HMGCS1: variants seen among roughly 807,000 people sequenced by gnomAD.
The protein encoded by HMGCS1 is hydroxymethylglutaryl-CoA synthase, cytoplasmic.
A neutral mutation model predicts 52.3 loss-of-function variants in HMGCS1; 9 were observed. That is an observed-to-expected ratio of 0.17 (90% confidence interval 0.10 to 0.30). The LOEUF (loss-of-function observed/expected upper bound fraction) is 0.30, where lower values mean the gene tolerates loss of function less well. HMGCS1 is among the 10% of genes least tolerant of loss of function. The probability of loss-of-function intolerance (pLI) is 1.00; values close to 1 mark genes in which losing one functional copy is unlikely to be tolerated. For synonymous variants in HMGCS1, 176 were observed against 214.4 expected, an observed-to-expected ratio of 0.82 and a Z score of 1.57; for missense variants, 320 against 620.9, an observed-to-expected ratio of 0.52 and a Z score of 5.15.
intron 1 of HMGCS1, 101 bp downstream of exon 1, chr5:43,313,255 A>G: frequency 6.6e-6 from 1 of 152,530 alleles, no homozygotes; most frequent in Non-Finnish European, 1.5e-5. Flanking sequence ...CCAGAGCCCC[A>G]GCTCCTTCGG....
In HMGCS1 at chr5:43,299,507, G is replaced by A. The variant is rs535860885; in HGVS notation, c.-10-532C>T. Among the ~76,000 whole-genome samples the A allele has an allele frequency of 1.6e-4, 25 of 152,016 alleles. No individual in the cohort carries two copies. The South Asian group carries it at 4.4e-3, about 27-fold the overall frequency. ...TACTAAAAATACAAAAGAATTAGCC[G>A]GGCGTGGTGGCAGATGCCTGTAGCC... On this transcript the variant is annotated intron_variant, in intron 2 of 10. Coordinates refer to ENST00000325110, the MANE Select transcript of HMGCS1 (RefSeq NM_001098272.3).
chr5:43,297,138 G>C lies in HMGCS1; in HGVS notation c.603C>G (p.Ala201=). ...GCATATCAGGCTTGTAAAAATCATA[G>C]GCATGTTGCATATGTGTCCCACGAA... is the stretch of plus-strand genomic sequence containing the variant. ...RGLRGTHMQH[A]YDFYKPDMLS... is the part of the protein sequence containing the mutation. The change falls in exon 5 of 11, where the codon GCC becomes GCG. Residue 201 remains alanine, a synonymous_variant. Coordinates refer to ENST00000325110, the MANE Select transcript of HMGCS1 (RefSeq NM_001098272.3). 1 of 1,613,382 alleles carries C rather than the reference G, an allele frequency of 6.2e-7. No homozygotes were observed. The highest frequency in any genetic ancestry group is 8.5e-7 in the Non-Finnish European group (1 of 1,179,620).
intron 4 of HMGCS1, 55 bp from the exon 5 acceptor site, chr5:43,297,221 T>C: frequency 7.1e-7 from 1 of 1,406,100 alleles, no homozygotes. Context: ...GATGTCTGTA[T>C]GTTAATAAGT....
chr5:43,292,127 G>A (rs1753802743), intron 10 of HMGCS1, among the ~76,000 whole-genome samples: 1 of 151,306 alleles, frequency 6.6e-6, no homozygotes, highest in African/African-American at 2.4e-5. Context: ...TGAGTAGCTG[G>A]AATTACAGGC....
Position 43,310,105 on chromosome 5 carries a change from C to T in HMGCS1, c.-69-2281G>A, listed in dbSNP as rs116813296. Among the ~76,000 whole-genome samples the T allele has an allele frequency of 3.2e-3, 486 of 152,338 alleles. 2 individuals are homozygous for T. The highest frequency in any genetic ancestry group is 5.4e-3 in the Admixed American group (82 of 15,308). On this transcript the variant is annotated intron_variant, in intron 1 of 10. Transcript: ENST00000325110. ...ATCTAGGAAATTAAGAACAAGTTGG[C>T]AACCTTTCCTCCTTAGGAGCAAGCA...
At chr5:43,306,776 C>T (rs996840906) in intron 2 of HMGCS1, among the ~76,000 whole-genome samples, 2 of 152,206 alleles carry the variant, frequency 1.3e-5, no homozygotes, top group African/African-American at 4.8e-5. Context: ...GGCTTAGCCT[C>T]TCTGCATTAA....
Position 43,294,157 on chromosome 5 carries a change from G to A in HMGCS1, c.1082C>T (p.Ser361Leu). 2.5e-6 allele frequency: 4 copies of A among 1,597,426 alleles called. No homozygotes were observed. Among genetic ancestry groups the A allele is most frequent in the Non-Finnish European group, 2.6e-6 (3 of 1,164,746 alleles). Residue 361 changes from serine to leucine, a missense_variant, in exon 8 of 11, where the codon TCA (serine) becomes TTA (leucine). By Grantham distance (145) the Ser-to-Leu change is moderately radical. Transcript: ENST00000325110. ...TCTCTTCCCTGCTAATTGCTGAGGT[G>A]AGTACCTATGTAGGGTGTAACAATA... ...GSLASVLAQY[S>L]PQQLAGKRIG...
At chr5:43,309,147 A>T (rs996783393) in intron 1 of HMGCS1, among the ~76,000 whole-genome samples, 2 of 151,764 alleles carry the variant, frequency 1.3e-5, no homozygotes, top group Non-Finnish European at 2.9e-5. Context: ...ATGTTCATGT[A>T]TGTATATGCA....
rs762232312 is a variant in HMGCS1 at position 43,295,735 on chromosome 5, A to G, written c.905+17T>C. 4 of 1,590,078 alleles carry G rather than the reference A, an allele frequency of 2.5e-6. No homozygotes were observed. The highest frequency in any genetic ancestry group is 1.8e-5 in the Admixed American group (1 of 57,114). On this transcript the variant is annotated intron_variant, in intron 6 of 10. Coordinates refer to ENST00000325110, the MANE Select transcript of HMGCS1 (RefSeq NM_001098272.3). ...GCTCTAATATAGAAGGAAAAAACTC[A>G]TAATAGCTCCTCTTACCCAAAGGCT...
chr5:43,312,637 G>A (rs923087063), intron 1 of HMGCS1, among the ~76,000 whole-genome samples: 2 of 152,150 alleles, frequency 1.3e-5, no homozygotes, highest in Non-Finnish European at 2.9e-5. Context: ...GAAGGTATTA[G>A]TAGGAGAGAG....
At chr5:43,294,564 G>A in intron 7 of HMGCS1, 127 bp downstream of exon 7, 1 of 615,154 alleles carries the variant, frequency 1.6e-6, no homozygotes, top group Non-Finnish European at 2.8e-6. Context: ...GACAATAGCA[G>A]ATTAGAGAGC....
intron 2 of HMGCS1, among the ~76,000 whole-genome samples, 153 bp from the exon 3 acceptor site, chr5:43,299,128 G>A (rs1322462829): frequency 6.6e-6 from 1 of 152,174 alleles, no homozygotes; most frequent in Non-Finnish European, 1.5e-5. Context: ...TTGTGTACAT[G>A]TGAAGTAGCA....
At chr5:43,302,134 T>C (rs970170103) in intron 2 of HMGCS1, among the ~76,000 whole-genome samples, 7 of 152,256 alleles carry the variant, frequency 4.6e-5, no homozygotes, top group Non-Finnish European at 1.0e-4. Flanking sequence ...AGTTTGGTTT[T>C]CCTATCTACT....
rs1337574621 is a variant in HMGCS1 at position 43,289,563 on chromosome 5, C to G, written c.*1568G>C. Reference sequence around the variant, plus strand: ...GTTAAATTACTCTTTTCAAAACATACCGATCTCCCCAACACTTGCAAAAGT... The same window carrying G: ...GTTAAATTACTCTTTTCAAAACATAGCGATCTCCCCAACACTTGCAAAAGT... On this transcript the variant is annotated 3_prime_UTR_variant, in exon 11 of 11. Transcript: ENST00000325110. 3 of 152,664 alleles carry G rather than the reference C, an allele frequency of 2.0e-5. No homozygotes were observed. The East Asian group carries it at 5.8e-4, about 29-fold the overall frequency. 9.5% of individuals were successfully genotyped at this position (152,664 alleles called of 1,614,324 possible). A position where few individuals can be genotyped will look rare whatever the true frequency, so the allele number is the denominator to read the frequency against.
intron 1 of HMGCS1, among the ~76,000 whole-genome samples, chr5:43,310,028 T>C (rs1170640397): frequency 6.6e-6 from 1 of 152,230 alleles, no homozygotes; most frequent in East Asian, 1.9e-4. Flanking sequence ...GTATGTAAAC[T>C]ATAAAATATA....
chr5:43,297,252 C>T lies in HMGCS1; in HGVS notation c.575-86G>A, dbSNP rs1227940848. ...TAAGTATACTGCATTATCTAAGGAC[C>T]TTCCTTAACTATCTGATCAATTCTC... On this transcript the variant is annotated intron_variant, in intron 4 of 10. Coordinates refer to ENST00000325110, the MANE Select transcript of HMGCS1 (RefSeq NM_001098272.3). The T allele has an allele frequency of 6.5e-6, 7 of 1,081,852 alleles. 1 individual carries two copies. In the Middle Eastern group the frequency reaches 1.6e-3, roughly 244 times the overall value. 67.0% of individuals were successfully genotyped at this position (1,081,852 alleles called of 1,614,324 possible).
At chr5:43,306,396 A>G (rs1392773505) in intron 2 of HMGCS1, among the ~76,000 whole-genome samples, 1 of 152,232 alleles carries the variant, frequency 6.6e-6, no homozygotes, top group African/African-American at 2.4e-5. Flanking sequence ...GGACTTCAGC[A>G]TCAGTCTCTC....
chr5:43,297,996 C>T lies in HMGCS1; in HGVS notation c.574+13G>A. ...GTGCTAAAAAAAACAAAAATGCTTT[C>T]CCAAGCACTTACCTCGTTCAAAAAT... is the stretch of plus-strand genomic sequence containing the variant. On this transcript the variant is annotated intron_variant, in intron 4 of 10. Transcript: ENST00000325110. 1 of 1,610,686 alleles carries T rather than the reference C, an allele frequency of 6.2e-7. No individual in the cohort carries two copies. The highest frequency in any genetic ancestry group is 8.5e-7 in the Non-Finnish European group (1 of 1,179,092).
chr5:43,294,771 C>G lies in HMGCS1; in HGVS notation c.996G>C (p.Lys332Asn). 11 of 1,611,528 alleles carry G rather than the reference C, an allele frequency of 6.8e-6. No individual in the cohort carries two copies. Among genetic ancestry groups the G allele is most frequent in the African/African-American group, 1.3e-5 (1 of 74,970 alleles). The stretch of plus-strand genomic sequence containing the variant: ...TTTGATTTGATACAAGTAAAGATGC[C>G]TTTGTTTTCTGACTGAAGAGTTCAG... ...ASSELFSQKT[K>N]ASLLVSNQNG... The change falls in exon 7 of 11, where the codon AAG (lysine) becomes AAC (asparagine). Residue 332 changes from lysine (K) to asparagine (N), a missense_variant. This residue lies in a region of HMGCS1 where 213 missense variants were observed against 337.4 expected (regional missense o/e 0.63). Transcript: ENST00000325110.
Sources: gnomAD v4.1 joint callset for allele counts (sites outside exome capture counted in the v4.1 genomes callset) on GRCh38, gnomAD v4.1.1 for gene constraint, gnomAD v4.1.1 regional missense constraint, MANE v1.5 for transcripts, NCBI Gene and HGNC (gene_info 2026-07-23, HGNC 2026-07-21) for gene names.